Variants in CACNA1C observed in about 807,000 individuals in gnomAD.
CACNA1C encodes voltage-dependent L-type calcium channel subunit alpha-1C.
CACNA1C carries 30 observed loss-of-function variants against 229.0 expected under a neutral mutation model. The ratio of observed to expected loss-of-function variants is 0.13; its 90% CI spans 0.10 to 0.18. CACNA1C has a LOEUF of 0.18. CACNA1C is among the 10% of genes least tolerant of loss of function. The pLI, the probability that CACNA1C is intolerant of heterozygous loss-of-function variation, is 1.00. For synonymous variants in CACNA1C, 1,114 were observed against 1,132.5 expected (o/e 0.98, Z 0.33); for missense variants, 1,658 against 2,845.0 (o/e 0.58, Z 9.49).
chr12:2,668,819 A>G (rs1603434492), intron 37 of CACNA1C, 114 bp from the exon 38 acceptor site: 1 of 711,916 alleles, frequency 1.4e-6, no homozygotes, highest in East Asian at 2.5e-5. Context: ...TTACAATTCA[A>G]CATGAGATTT....
At chr12:2,406,989 C>T (rs542946111) in intron 3 of CACNA1C, among the ~76,000 whole-genome samples, 1 of 152,376 alleles carries the variant, frequency 6.6e-6, no homozygotes, top group South Asian at 2.1e-4. Context: ...GGTTCCCACT[C>T]GGCCCCCATC....
chr12:2,220,488 G>A (rs1459727728), intron 3 of CACNA1C: 1 of 152,600 alleles, frequency 6.6e-6, no homozygotes, highest in Non-Finnish European at 1.5e-5. Context: ...GATACTAGGT[G>A]TGAAGGGGTG....
chr12:2,550,200 C>T (rs559786096), intron 10 of CACNA1C, among the ~76,000 whole-genome samples, 167 bp downstream of exon 10: 1 of 152,254 alleles, frequency 6.6e-6, no homozygotes, highest in African/African-American at 2.4e-5. Flanking sequence ...AGCAGAGGGC[C>T]CTGGGGTGAG....
intron 3 of CACNA1C, among the ~76,000 whole-genome samples, chr12:2,136,482 C>T (rs2093507716): frequency 6.6e-6 from 1 of 151,290 alleles, no homozygotes; most frequent in African/African-American, 2.4e-5. Context: ...GCTGTGTGGC[C>T]CCCAACTAAG....
At position 2,673,556 on chromosome 12, in the gene CACNA1C, C is replaced by G. The variant is rs376408156; in HGVS notation, c.4727-985C>G. Among the ~76,000 whole-genome samples the G allele has an allele frequency of 2.4e-4, 37 of 151,814 alleles. No individual in the cohort carries two copies. In the East Asian group the frequency reaches 3.3e-3, roughly 14 times the overall value. ...GTGGTGAAGCTGGGCTTTCATAAGG[C>G]AAATCCAGGATATTGATCAGGCCAT... On this transcript the variant is annotated intron_variant, in intron 38 of 46. Coordinates refer to ENST00000399655, the MANE Select transcript of CACNA1C (RefSeq NM_000719.7).
At chr12:2,450,075 C>A (rs1019381365) in intron 4 of CACNA1C, among the ~76,000 whole-genome samples, 1 of 152,114 alleles carries the variant, frequency 6.6e-6, no homozygotes, top group Non-Finnish European at 1.5e-5. Flanking sequence ...CCCCCAGACA[C>A]CCTGCTCCAC....
intron 3 of CACNA1C, among the ~76,000 whole-genome samples, chr12:2,379,342 G>C (rs1356724099): frequency 6.6e-6 from 1 of 152,196 alleles, no homozygotes; most frequent in East Asian, 1.9e-4. Flanking sequence ...AGCTCCTTCA[G>C]CCTTTTAGAG....
chr12:2,383,110 GC>G (rs1477416421), intron 3 of CACNA1C, among the ~76,000 whole-genome samples: 4 of 152,224 alleles, frequency 2.6e-5, no homozygotes, highest in Non-Finnish European at 5.9e-5. Flanking sequence ...TGGTTTATCA[GC>G]CTTCTCTTCC....
At chr12:2,207,659 A>G (rs970555974) in intron 3 of CACNA1C, among the ~76,000 whole-genome samples, 3 of 152,110 alleles carry the variant, frequency 2.0e-5, no homozygotes, top group African/African-American at 7.2e-5. Context: ...AAAAAAGTAA[A>G]AAAAATTAGT....
chr12:2,395,746 T>C (rs2098557200), intron 3 of CACNA1C, among the ~76,000 whole-genome samples: 1 of 152,158 alleles, frequency 6.6e-6, no homozygotes, highest in Admixed American at 6.5e-5. Flanking sequence ...TCTATGTGCA[T>C]CCCTGAACCC....
intron 34 of CACNA1C, among the ~76,000 whole-genome samples, chr12:2,657,814 C>T (rs562603612): frequency 8.6e-5 from 13 of 151,968 alleles, no homozygotes; most frequent in African/African-American, 2.9e-4. Flanking sequence ...ACAATGTAGA[C>T]GTAATAATAG....
chr12:2,330,538 G>A (rs11062189), intron 3 of CACNA1C, among the ~76,000 whole-genome samples: 13,605 of 152,206 alleles, frequency 0.089, 657 homozygotes, highest in South Asian at 0.14. Flanking sequence ...GAAAGCTGGC[G>A]ACTTGATTTG....
chr12:2,279,649 C>T (rs1430663573), intron 3 of CACNA1C, among the ~76,000 whole-genome samples: 2 of 152,156 alleles, frequency 1.3e-5, no homozygotes, highest in African/African-American at 4.8e-5. Context: ...GTCCTTTTGA[C>T]TGTGTTAGTA....
At chr12:2,515,373 G>A (rs543872514) in intron 9 of CACNA1C, among the ~76,000 whole-genome samples, 1 of 152,326 alleles carries the variant, frequency 6.6e-6, no homozygotes, top group African/African-American at 2.4e-5. Flanking sequence ...AGGTAAGACA[G>A]TGGCTCAGAA....
Position 2,486,308 on chromosome 12 carries a change from G to T in CACNA1C, c.916+46G>T, listed in dbSNP as rs371990743. Reference sequence around the variant, plus strand: ...CGCTCCCAAGGCCCTGCCCTCTATCGCTCCCAGCACCTTTCCCGCTGCTGG... The same window carrying T: ...CGCTCCCAAGGCCCTGCCCTCTATCTCTCCCAGCACCTTTCCCGCTGCTGG... On this transcript the variant is annotated intron_variant, in intron 6 of 46. Coordinates refer to ENST00000399655, the MANE Select transcript of CACNA1C (RefSeq NM_000719.7). The surrounding 1 kb of genome is among the most constrained non-coding windows in gnomAD (Gnocchi z 4.9). 1 of 1,549,684 alleles carries T rather than the reference G, an allele frequency of 6.5e-7. No individual in the cohort carries two copies. The highest frequency in any genetic ancestry group is 2.3e-5 in the East Asian group (1 of 44,040).
chr12:2,440,817 C>A (rs1243867889), intron 3 of CACNA1C, among the ~76,000 whole-genome samples: 2 of 152,320 alleles, frequency 1.3e-5, no homozygotes, highest in East Asian at 3.9e-4. Context: ...CCTGGTTTTT[C>A]TCCCAGCCTC....
Position 2,493,649 on chromosome 12 carries a change from G to A in CACNA1C, c.1113+263G>A, listed in dbSNP as rs754461209. Among the ~76,000 whole-genome samples the A allele has an allele frequency of 5.5e-4, 84 of 152,088 alleles. No homozygotes were observed. The highest frequency in any genetic ancestry group is 3.2e-4 in the Non-Finnish European group (22 of 68,030). Reference sequence around the variant, plus strand: ...AGTGCGTCCCACAGTGCAAAACCCTGGTGTGCAGGCATGGATGAGCTGGCC... The same window carrying A: ...AGTGCGTCCCACAGTGCAAAACCCTAGTGTGCAGGCATGGATGAGCTGGCC... On this transcript the variant is annotated intron_variant, in intron 7 of 46. Coordinates refer to ENST00000399655, the MANE Select transcript of CACNA1C (RefSeq NM_000719.7). This position sits in a 1 kb window ranked among gnomAD's most constrained non-coding sequence, Gnocchi z 4.6.
chr12:2,441,145 T>A (rs957658370), intron 3 of CACNA1C, among the ~76,000 whole-genome samples: 2 of 152,210 alleles, frequency 1.3e-5, no homozygotes, highest in Non-Finnish European at 2.9e-5. Context: ...TCTCATCAAT[T>A]CTGTTTGGTG....
At chr12:2,123,015 C>T (rs541546327) in intron 3 of CACNA1C, among the ~76,000 whole-genome samples, 29 of 152,152 alleles carry the variant, frequency 1.9e-4, no homozygotes, top group Admixed American at 3.9e-4. Context: ...TGGGAACAAC[C>T]GGCCTCTTGG....
Sources: gnomAD v4.1 joint callset for allele counts (sites outside exome capture counted in the v4.1 genomes callset) on GRCh38, gnomAD v4.1.1 for gene constraint, Gnocchi (gnomAD v3.1) non-coding constraint, MANE v1.5 for transcripts, NCBI Gene and HGNC (gene_info 2026-07-23, HGNC 2026-07-21) for gene names.